Variants in RBPJ observed in about 807,000 individuals in gnomAD.
The protein encoded by RBPJ is recombining binding protein suppressor of hairless.
RBPJ carries 9 observed loss-of-function variants against 67.8 expected under a neutral mutation model. The observed-to-expected ratio is 0.13, with a 90% CI of 0.08 to 0.23. RBPJ has a LOEUF of 0.23. Among genes scored for constraint, RBPJ ranks in the 10% least tolerant of loss-of-function variants. RBPJ has a pLI of 1.00. For missense variants in RBPJ, 305 were observed against 595.6 expected, an observed-to-expected ratio of 0.51 and a Z score of 5.08; for synonymous variants, 198 against 203.3, an observed-to-expected ratio of 0.97 and a Z score of 0.22.
intron 1 of RBPJ, among the ~76,000 whole-genome samples, chr4:26,332,909 A>G (rs923834430): frequency 1.3e-5 from 2 of 152,200 alleles, no homozygotes; most frequent in African/African-American, 2.4e-5. Context: ...TTGGCCTCCC[A>G]AAGCACTGGG....
chr4:26,202,211 A>C (rs1457370891), intron 1 of RBPJ, among the ~76,000 whole-genome samples: 1 of 152,074 alleles, frequency 6.6e-6, no homozygotes, highest in East Asian at 2.0e-4. Context: ...TCATCAACCT[A>C]CAATGATCAT....
At chr4:26,235,440 A>G (rs1204909117) in intron 1 of RBPJ, among the ~76,000 whole-genome samples, 1 of 152,242 alleles carries the variant, frequency 6.6e-6, no homozygotes, top group Non-Finnish European at 1.5e-5. Flanking sequence ...ACATGGATTA[A>G]CATTTAAAAA....
chr4:26,413,375 A>G (rs1049892980), intron 3 of RBPJ, among the ~76,000 whole-genome samples: 2 of 152,030 alleles, frequency 1.3e-5, no homozygotes, highest in Non-Finnish European at 2.9e-5. Context: ...TTTTCTCCCC[A>G]TACTTATCAC....
intron 1 of RBPJ, 21 bp from the exon 2 acceptor site, chr4:26,386,332 T>C: frequency 1.3e-6 from 2 of 1,536,262 alleles, no homozygotes; most frequent in South Asian, 1.2e-5. Context: ...AACTTTATTT[T>C]CTTTATTTTT....
At chr4:26,278,460 G>A (rs1225846636) in intron 1 of RBPJ, among the ~76,000 whole-genome samples, 9 of 151,994 alleles carry the variant, frequency 5.9e-5, no homozygotes, top group Non-Finnish European at 4.4e-5. Flanking sequence ...TCATTTACTG[G>A]GTAGAAATCA....
At chr4:26,229,192 T>C (rs1719190466) in intron 1 of RBPJ, among the ~76,000 whole-genome samples, 1 of 152,238 alleles carries the variant, frequency 6.6e-6, no homozygotes, top group Non-Finnish European at 1.5e-5. Flanking sequence ...TTTTTCCTTT[T>C]GGGTAGATTT....
At chr4:26,132,107 A>G in the RBPJ span, among the ~76,000 whole-genome samples, 5 of 152,172 alleles carry the variant, frequency 3.3e-5, no homozygotes, top group Non-Finnish European at 5.9e-5. Context: ...CCACTGTGTA[A>G]GATGGATTCC....
intron 1 of RBPJ, among the ~76,000 whole-genome samples, chr4:26,280,123 G>T (rs1447017704): frequency 2.0e-5 from 3 of 150,462 alleles, no homozygotes; most frequent in Non-Finnish European, 4.4e-5. Context: ...GGCCGGGCAC[G>T]GTAGCTCACT....
chr4:26,147,717 CA>C, the RBPJ span, among the ~76,000 whole-genome samples: 3 of 152,084 alleles, frequency 2.0e-5, no homozygotes, highest in Non-Finnish European at 4.4e-5. Flanking sequence ...CTCCTGGGTT[CA>C]AGCCATTCTC....
At chr4:26,234,935 G>A (rs1183540872) in intron 1 of RBPJ, among the ~76,000 whole-genome samples, 3 of 151,884 alleles carry the variant, frequency 2.0e-5, no homozygotes, top group East Asian at 1.9e-4. Context: ...TCAAGTGATC[G>A]CCCACCTCGG....
intron 1 of RBPJ, among the ~76,000 whole-genome samples, chr4:26,215,070 GAA>G (rs1236403214): frequency 2.2e-5 from 1 of 45,212 alleles, no homozygotes; most frequent in African/African-American, 1.4e-4. Flanking sequence ...GAAAGAAAGA[GAA>G]AAAGAGAGAA....
At chr4:26,130,628 C>A in the RBPJ span, among the ~76,000 whole-genome samples, 1 of 152,160 alleles carries the variant, frequency 6.6e-6, no homozygotes, top group East Asian at 1.9e-4. Flanking sequence ...ACTCCCATTA[C>A]TCTCCCCGTA....
At chr4:26,207,697 G>A (rs2109164068) in intron 1 of RBPJ, among the ~76,000 whole-genome samples, 1 of 152,288 alleles carries the variant, frequency 6.6e-6, no homozygotes, top group South Asian at 2.1e-4. Context: ...ATGCTCTGCT[G>A]GGGAGAGGGG....
At chr4:26,228,250 C>G (rs796977490) in intron 1 of RBPJ, among the ~76,000 whole-genome samples, 4 of 152,332 alleles carry the variant, frequency 2.6e-5, no homozygotes, top group African/African-American at 9.6e-5. Context: ...GCTACTTTAT[C>G]CATTGCTCCC....
chr4:26,307,816 T>C (rs1434911813), intron 1 of RBPJ, among the ~76,000 whole-genome samples: 2 of 152,220 alleles, frequency 1.3e-5, no homozygotes, highest in African/African-American at 4.8e-5. Context: ...AATGTTTTTA[T>C]CCATTAGTGA....
chr4:26,322,334 TTG>T (rs1723174512), intron 1 of RBPJ: 1 of 152,204 alleles, frequency 6.6e-6, no homozygotes, highest in Non-Finnish European at 1.5e-5. Context: ...TGTTAAAAAC[TTG>T]TGAGTGTTGG....
chr4:26,412,852 GA>G (rs534787142), intron 3 of RBPJ: 36 of 152,294 alleles, frequency 2.4e-4, no homozygotes, highest in African/African-American at 8.7e-4. Context: ...TTAGAAGCCA[GA>G]AAGCTCCCCT....
In RBPJ at chr4:26,179,764, C is replaced by A. The variant is rs545741262; in HGVS notation, c.-167+16150C>A. On this transcript the variant is annotated intron_variant, in intron 1 of 4. Transcript: ENST00000512351. ...ACTTTGGAAAGCAGTTTGGTGATTT[C>A]TCAAAGGGCTAAAGACAAGAACTAG... Among the ~76,000 whole-genome samples the A allele has an allele frequency of 3.9e-5, 6 of 152,266 alleles. No homozygotes were observed. In the South Asian group the frequency reaches 1.2e-3, roughly 32 times the overall value.
At chr4:26,359,850 A>G (rs1450791109) in intron 1 of RBPJ, 2 of 152,246 alleles carry the variant, frequency 1.3e-5, no homozygotes, top group African/African-American at 4.8e-5. Context: ...GAAAAACATT[A>G]GTTATTGGCA....
Sources: allele counts gnomAD v4.1 joint callset (sites outside exome capture counted in the v4.1 genomes callset), GRCh38; gene constraint gnomAD v4.1.1; transcripts MANE v1.5; gene names NCBI Gene and HGNC (gene_info 2026-07-23, HGNC 2026-07-21).